The following LRRC8A variants were observed in gnomAD, a reference collection of about 807,000 sequenced individuals.
The protein encoded by LRRC8A is volume-regulated anion channel subunit LRRC8A.
A neutral mutation model predicts 52.5 loss-of-function variants in LRRC8A; 24 were observed. The observed-to-expected ratio is 0.46, with a 90% CI of 0.33 to 0.64. The LOEUF (loss-of-function observed/expected upper bound fraction) is 0.64, where lower values mean the gene tolerates loss of function less well. LRRC8A is among the 30% of genes least tolerant of loss of function. The pLI is 0.02. For synonymous variants in LRRC8A, 492 were observed against 494.2 expected (o/e 1.00, Z 0.06); for missense variants, 677 against 1,094.7 (o/e 0.62, Z 5.38).
chr9:128,906,700 C>T (rs1019263772), intron 2 of LRRC8A, among the ~76,000 whole-genome samples: 2 of 152,138 alleles, frequency 1.3e-5, no homozygotes, highest in African/African-American at 4.8e-5. Flanking sequence ...TCATATTTTG[C>T]GGGAATCCCT....
At chr9:128,905,068 G>T (rs1840191342) in intron 2 of LRRC8A, among the ~76,000 whole-genome samples, 1 of 152,010 alleles carries the variant, frequency 6.6e-6, no homozygotes. Context: ...AGCTACCTGG[G>T]GGAGGCTAAG....
Position 128,917,631 on chromosome 9 carries a change from T to TC in LRRC8A, c.*1261dup, listed in dbSNP as rs1840882899. The stretch of plus-strand genomic sequence containing the variant: ...ATCAGCCCTGTCACCACCTGGTCCT[T>TC]CATGAAGAGCAGACACTTAGAGGCT... On this transcript the variant is annotated 3_prime_UTR_variant, in exon 4 of 4. Coordinates refer to ENST00000372600, the MANE Select transcript of LRRC8A (RefSeq NM_019594.4). The TC allele has an allele frequency of 1.3e-5, 2 of 152,862 alleles. No individual in the cohort carries two copies. The highest frequency in any genetic ancestry group is 4.8e-5 in the African/African-American group (2 of 41,462). 9.5% of individuals were successfully genotyped at this position (152,862 alleles called of 1,614,324 possible). A position where few individuals can be genotyped will look rare whatever the true frequency, so the allele number is the denominator to read the frequency against.
intron 1 of LRRC8A, chr9:128,885,063 C>G (rs1839336977): frequency 6.5e-6 from 1 of 152,934 alleles, no homozygotes; most frequent in Non-Finnish European, 1.5e-5. Flanking sequence ...TCCTTTGGCT[C>G]TCTCTGGTGG....
chr9:128,884,140 G>A (rs1211976039), intron 1 of LRRC8A, among the ~76,000 whole-genome samples: 1 of 152,190 alleles, frequency 6.6e-6, no homozygotes, highest in African/African-American at 2.4e-5. Context: ...GAATCCTGGG[G>A]ATCACTGCCG....
At chr9:128,904,317 G>A (rs1840148702) in intron 2 of LRRC8A, among the ~76,000 whole-genome samples, 1 of 151,974 alleles carries the variant, frequency 6.6e-6, no homozygotes, top group African/African-American at 2.4e-5. Flanking sequence ...TCAGGAGTTC[G>A]AGACCAGCCT....
At chr9:128,903,676 G>A (rs1341986802) in intron 2 of LRRC8A, among the ~76,000 whole-genome samples, 1 of 151,488 alleles carries the variant, frequency 6.6e-6, no homozygotes, top group Non-Finnish European at 1.5e-5. Context: ...GCCTCCCAAA[G>A]TGCTGGGATT....
intron 2 of LRRC8A, among the ~76,000 whole-genome samples, chr9:128,903,308 C>T (rs764912953): frequency 1.3e-5 from 2 of 152,158 alleles, no homozygotes; most frequent in Non-Finnish European, 1.5e-5. Context: ...ATTCCACCTG[C>T]CTCACATGGG....
intron 2 of LRRC8A, among the ~76,000 whole-genome samples, chr9:128,894,986 C>T (rs1179347919): frequency 6.6e-6 from 1 of 152,134 alleles, no homozygotes; most frequent in Non-Finnish European, 1.5e-5. Context: ...ACTCTCTGCA[C>T]CCATTAAACG....
Position 128,899,788 on chromosome 9 carries a change from G to A in LRRC8A, c.-8-7369G>A, listed in dbSNP as rs1393429780. Among the ~76,000 whole-genome samples the A allele has an allele frequency of 6.6e-6, 1 of 152,166 alleles. No homozygotes were observed. The highest frequency in any genetic ancestry group is 1.5e-5 in the Non-Finnish European group (1 of 68,032). On this transcript the variant is annotated intron_variant, in intron 2 of 3. Transcript: ENST00000372600. This position sits in a 1 kb window ranked among gnomAD's most constrained non-coding sequence, Gnocchi z 4.0. ...TAAGGGGTGTGGGTTTCAGTTTAAC[G>A]AGATGAAGAGAGTTCTGTGTATGGT...
chr9:128,908,130 G>T lies in LRRC8A; in HGVS notation c.966G>T (p.Ala322=), dbSNP rs755255742. The part of the protein sequence containing the change: ...HPLATLFKIL[A]SFYISLVIFY... Reference sequence around the variant, plus strand: ...TGGCCACACTCTTCAAGATCCTGGCGTCCTTCTACATCAGCCTAGTCATCT... The same window carrying T: ...TGGCCACACTCTTCAAGATCCTGGCTTCCTTCTACATCAGCCTAGTCATCT... The change falls in exon 3 of 4, where the codon GCG becomes GCT. Residue 322 remains alanine (A), a synonymous_variant. Coordinates refer to ENST00000372600, the MANE Select transcript of LRRC8A (RefSeq NM_019594.4). 1 of 1,613,858 alleles carries T rather than the reference G, an allele frequency of 6.2e-7. No individual in the cohort carries two copies. Among genetic ancestry groups the T allele is most frequent in the Non-Finnish European group, 8.5e-7 (1 of 1,180,036 alleles).
In LRRC8A at chr9:128,909,024, C is replaced by T; in HGVS notation, c.1860C>T (p.Asp620=). ...IFSLHNLQEI[D]LKDNNLKTIE... ...GCCTCCACAACCTGCAGGAGATTGA[C>T]CTCAAGGACAACAACCTCAAGACCA... Residue 620 remains aspartate, a synonymous_variant, in exon 3 of 4, where the codon GAC becomes GAT. Transcript: ENST00000372600. The T allele has an allele frequency of 5.0e-6, 8 of 1,614,146 alleles. No individual in the cohort carries two copies. The highest frequency in any genetic ancestry group is 6.8e-6 in the Non-Finnish European group (8 of 1,180,028).
rs2131027446 is a variant in LRRC8A at position 128,909,303 on chromosome 9, A to G, written c.2139A>G (p.Leu713=). Residue 713 remains leucine (L), a synonymous_variant, in exon 3 of 4, where the codon CTA becomes CTG. Coordinates refer to ENST00000372600, the MANE Select transcript of LRRC8A (RefSeq NM_019594.4). The part of the protein sequence containing the change: ...DIGLLQNLQN[L]AITANRIETL... ...GCCTCCTGCAGAACCTCCAGAACCTAGCCATCACGGCCAACCGGGTGAGTG... is the reference window on the plus strand; with the variant it reads ...GCCTCCTGCAGAACCTCCAGAACCTGGCCATCACGGCCAACCGGGTGAGTG... 3 of 1,613,198 alleles carry G rather than the reference A, an allele frequency of 1.9e-6. No individual in the cohort carries two copies. The highest frequency in any genetic ancestry group is 2.2e-5 in the East Asian group (1 of 44,874).
chr9:128,882,161 G>T lies in LRRC8A; in HGVS notation c.-205G>T, dbSNP rs1839045808. Reference sequence around the variant, plus strand: ...TGGTGCAGTGAGGGACAAACAAAAGGAGGCGCCGGAGCAGCGCTGCGGCCG... The same window carrying T: ...TGGTGCAGTGAGGGACAAACAAAAGTAGGCGCCGGAGCAGCGCTGCGGCCG... On this transcript the variant is annotated 5_prime_UTR_variant, in exon 1 of 4. Coordinates refer to ENST00000372600, the MANE Select transcript of LRRC8A (RefSeq NM_019594.4). 6.5e-6 allele frequency: 1 copy of T among 152,672 alleles called. No homozygotes were observed. The highest frequency in any genetic ancestry group is 2.0e-4 in the South Asian group (1 of 5,052). 9.5% of individuals were successfully genotyped at this position (152,672 alleles called of 1,614,324 possible).
chr9:128,895,989 A>G (rs1187526502), intron 2 of LRRC8A, among the ~76,000 whole-genome samples: 5 of 152,258 alleles, frequency 3.3e-5, no homozygotes, highest in Non-Finnish European at 5.9e-5. Flanking sequence ...AGATACACAC[A>G]TGCACGCACG....
chr9:128,916,147 C>T lies in LRRC8A; in HGVS notation c.2209C>T (p.His737Tyr), dbSNP rs140168683. 1.2e-6 allele frequency: 2 copies of T among 1,613,060 alleles called. No homozygotes were observed. The highest frequency in any genetic ancestry group is 1.3e-5 in the African/African-American group (1 of 74,940). Reference sequence around the variant, plus strand: ...CCAGTGCCGGAAGCTGCGGGCCCTGCACCTGGGCAACAACGTGCTGCAGTC... The same window carrying T: ...CCAGTGCCGGAAGCTGCGGGCCCTGTACCTGGGCAACAACGTGCTGCAGTC... ...LFQCRKLRALHLGNNVLQSLP... is the reference protein window; with the variant it reads ...LFQCRKLRALYLGNNVLQSLP... The change falls in exon 4 of 4, where the codon CAC becomes TAC. Residue 737 changes from histidine to tyrosine, a missense_variant. His to Tyr is a moderately conservative substitution (Grantham distance 83). This residue lies in a region of LRRC8A where 169 missense variants were observed against 217.6 expected (regional missense o/e 0.78). Coordinates refer to ENST00000372600, the MANE Select transcript of LRRC8A (RefSeq NM_019594.4). The surrounding 1 kb of genome is among the most constrained non-coding windows in gnomAD (Gnocchi z 6.1).
intron 2 of LRRC8A, among the ~76,000 whole-genome samples, chr9:128,890,454 G>C (rs976549438): frequency 2.6e-5 from 4 of 152,180 alleles, no homozygotes; most frequent in Non-Finnish European, 5.9e-5. Context: ...CCACCTGGAC[G>C]CCGTCAGAGT....
In LRRC8A at chr9:128,917,135, T is replaced by TA. The variant is rs1840859870; in HGVS notation, c.*766dup. On this transcript the variant is annotated 3_prime_UTR_variant, in exon 4 of 4. Transcript: ENST00000372600. ...AAAAAACTTAAAAAAAAAAAGACAC[T>TA]AACGGCCAGTGAGTTGGAGTCTCAG... 6.7e-6 allele frequency: 1 copy of TA among 148,514 alleles called. No homozygotes were observed. The highest frequency in any genetic ancestry group is 1.5e-5 in the Non-Finnish European group (1 of 67,210). 9.2% of individuals were successfully genotyped at this position (148,514 alleles called of 1,614,324 possible).
At position 128,911,912 on chromosome 9, in the gene LRRC8A, G is replaced by C. The variant is rs943135441; in HGVS notation, c.2157+2591G>C. ...CCTGAGCCCCTCTTCCTCCTCACTC[G>C]GGCTTGATGGCTCCTTCTCAGCCAC... On this transcript the variant is annotated intron_variant, in intron 3 of 3. Coordinates refer to ENST00000372600, the MANE Select transcript of LRRC8A (RefSeq NM_019594.4). This position sits in a 1 kb window ranked among gnomAD's most constrained non-coding sequence, Gnocchi z 4.9. Among the ~76,000 whole-genome samples, 1 of 152,224 alleles carries C rather than the reference G, an allele frequency of 6.6e-6. No individual in the cohort carries two copies.
At position 128,886,703 on chromosome 9, in the gene LRRC8A, G is replaced by A. The variant is rs1418460884; in HGVS notation, c.-9+582G>A. Among the ~76,000 whole-genome samples the A allele has an allele frequency of 2.0e-5, 3 of 152,194 alleles. No homozygotes were observed. In the South Asian group the frequency reaches 6.2e-4, roughly 31 times the overall value. ...TCCCAGAGGCAGGAGAGTCCCTTTA[G>A]AACATTTGGAGGATTAAATATGTTG... On this transcript the variant is annotated intron_variant, in intron 2 of 3. Transcript: ENST00000372600.
Sources: allele counts gnomAD v4.1 joint callset (sites outside exome capture counted in the v4.1 genomes callset), GRCh38; gene constraint gnomAD v4.1.1; regional missense constraint gnomAD v4.1.1; non-coding constraint Gnocchi (gnomAD v3.1); transcripts MANE v1.5; gene names NCBI Gene and HGNC (gene_info 2026-07-23, HGNC 2026-07-21).